The following MYH9 variants were observed in gnomAD, a reference collection of about 807,000 sequenced individuals.
The protein encoded by MYH9 is myosin-9.
A neutral mutation model predicts 241.9 loss-of-function variants in MYH9; 29 were observed. The ratio of observed to expected loss-of-function variants is 0.12; its 90% CI spans 0.09 to 0.16. MYH9 has a LOEUF of 0.16. Among genes scored for constraint, MYH9 ranks in the 10% least tolerant of loss-of-function variants. The pLI is 1.00. For missense variants in MYH9, 1,803 were observed against 2,595.5 expected (o/e 0.69, Z 6.63); for synonymous variants, 1,047 against 1,062.6 (o/e 0.99, Z 0.29).
At chr22:36,291,728 G>C (rs1365371650) in intron 31 of MYH9, among the ~76,000 whole-genome samples, 6 of 131,676 alleles carry the variant, frequency 4.6e-5, no homozygotes, top group Non-Finnish European at 9.9e-5. Flanking sequence ...CAGTTCATTA[G>C]AGAAAATCTG....
intron 1 of MYH9, chr22:36,364,921 T>C (rs1339173515): frequency 6.6e-6 from 1 of 152,144 alleles, no homozygotes; most frequent in Non-Finnish European, 1.5e-5. Context: ...ACCTGTAAAA[T>C]GGAGCTGATC....
chr22:36,295,293 C>T lies in MYH9; in HGVS notation c.3485+212G>A, dbSNP rs2146338429. On this transcript the variant is annotated intron_variant, in intron 26 of 40. Coordinates refer to ENST00000216181, the MANE Select transcript of MYH9 (RefSeq NM_002473.6). This position sits in a 1 kb window ranked among gnomAD's most constrained non-coding sequence, Gnocchi z 4.1. The stretch of plus-strand genomic sequence containing the variant: ...CTTTCAGCTTTAAAGCCCAGCCTTG[C>T]CTCACCCCCAACTTTGAGCCAGGTC... Among the ~76,000 whole-genome samples, 1 of 152,312 alleles carries T rather than the reference C, an allele frequency of 6.6e-6. No individual in the cohort carries two copies. The highest frequency in any genetic ancestry group is 1.9e-4 in the East Asian group (1 of 5,178).
At chr22:36,367,043 TA>T (rs2018021439) in intron 1 of MYH9, among the ~76,000 whole-genome samples, 1 of 152,172 alleles carries the variant, frequency 6.6e-6, no homozygotes, top group Admixed American at 6.5e-5. Flanking sequence ...CATACCACGT[TA>T]GGGGGCTCGC....
intron 13 of MYH9, 66 bp from the exon 14 acceptor site, chr22:36,312,288 G>A: frequency 1.3e-6 from 2 of 1,558,172 alleles, no homozygotes; most frequent in South Asian, 2.2e-5. Flanking sequence ...CCTTCAAGAA[G>A]CCAAAGCCCG....
At position 36,295,458 on chromosome 22, in the gene MYH9, C is replaced by CAGGG. The variant is rs1470397332; in HGVS notation, c.3485+46_3485+47insCCCT. 6.5e-7 allele frequency: 1 copy of CAGGG among 1,545,956 alleles called. No individual in the cohort carries two copies. Among genetic ancestry groups the CAGGG allele is most frequent in the East Asian group, 2.3e-5 (1 of 44,408 alleles). The stretch of plus-strand genomic sequence containing the variant: ...GGGTCCATGTCTCCAAGCCAAGGCC[C>CAGGG]CCCTGGCTGCCCTCCCCATCCCGAG... On this transcript the variant is annotated intron_variant, in intron 26 of 40. Transcript: ENST00000216181. This position sits in a 1 kb window ranked among gnomAD's most constrained non-coding sequence, Gnocchi z 4.1.
intron 1 of MYH9, among the ~76,000 whole-genome samples, chr22:36,361,555 T>G (rs55955949): frequency 0.075 from 11,380 of 152,104 alleles, 1,428 homozygotes; most frequent in African/African-American, 0.26. Flanking sequence ...ACTTAAAAAT[T>G]AAATGAACAA....
chr22:36,381,870 G>A (rs2018261582), intron 1 of MYH9, among the ~76,000 whole-genome samples: 1 of 152,210 alleles, frequency 6.6e-6, no homozygotes, highest in South Asian at 2.1e-4. Context: ...ATGCCGCAAT[G>A]AAGATTCTCA....
chr22:36,373,855 C>T (rs948196041), intron 1 of MYH9, among the ~76,000 whole-genome samples: 2 of 151,990 alleles, frequency 1.3e-5, no homozygotes, highest in East Asian at 1.9e-4. Flanking sequence ...TGAATTCTGG[C>T]GACCAATGAA....
Position 36,320,212 on chromosome 22 carries a change from C to T in MYH9, c.1012+8G>A, listed in dbSNP as rs1475321100. 1 of 1,614,140 alleles carries T rather than the reference C, an allele frequency of 6.2e-7. No individual in the cohort carries two copies. ...CCACACTCGACCATAGGAGGGCCAG[C>T]CCTGTACCCATTTGCTCCTCTTCTG... On this transcript the variant is annotated splice_region_variant and intron_variant, in intron 9 of 40. Coordinates refer to ENST00000216181, the MANE Select transcript of MYH9 (RefSeq NM_002473.6). The surrounding 1 kb of genome is among the most constrained non-coding windows in gnomAD (Gnocchi z 4.8).
intron 12 of MYH9, among the ~76,000 whole-genome samples, chr22:36,314,640 G>GT (rs371769551): frequency 0.025 from 3,763 of 149,780 alleles, 71 homozygotes; most frequent in South Asian, 0.071. Context: ...GTAATACATT[G>GT]TTTTTTTTTT....
At chr22:36,384,611 AATATATATATATATATATATATATATAT>A (rs753952544) in intron 1 of MYH9, among the ~76,000 whole-genome samples, 2 of 41,444 alleles carry the variant, frequency 4.8e-5, no homozygotes, top group Non-Finnish European at 7.7e-5. Context: ...AAAAAAAAAA[AATATATATATATATATATATATATATAT>A]ATATATATAT....
chr22:36,372,332 T>G (rs893461342), intron 1 of MYH9, among the ~76,000 whole-genome samples: 2 of 151,768 alleles, frequency 1.3e-5, no homozygotes, highest in Non-Finnish European at 2.9e-5. Context: ...TACCAAAACA[T>G]TTTAAAATCA....
intron 3 of MYH9, among the ~76,000 whole-genome samples, chr22:36,337,927 C>T (rs2146380918): frequency 6.6e-6 from 1 of 152,294 alleles, no homozygotes; most frequent in Admixed American, 6.5e-5. Context: ...CCTCCCTGCT[C>T]CAAGAGCAAG....
intron 1 of MYH9, among the ~76,000 whole-genome samples, chr22:36,381,502 C>T (rs940975101): frequency 4.1e-5 from 6 of 145,886 alleles, no homozygotes; most frequent in African/African-American, 1.0e-4. Flanking sequence ...GGCAACAGAG[C>T]GAGACTCCAT....
At chr22:36,371,089 T>C (rs1603484507) in intron 1 of MYH9, among the ~76,000 whole-genome samples, 1 of 152,338 alleles carries the variant, frequency 6.6e-6, no homozygotes, top group East Asian at 1.9e-4. Flanking sequence ...AGAATGTCCC[T>C]GGATCAGAGA....
At chr22:36,292,403 G>A (rs1039523191) in intron 30 of MYH9, among the ~76,000 whole-genome samples, 169 bp from the exon 31 acceptor site, 3 of 152,194 alleles carry the variant, frequency 2.0e-5, no homozygotes, top group Non-Finnish European at 4.4e-5. Context: ...ACAGGGGCGA[G>A]ACAAATGGAG....
chr22:36,288,664 AGAAGCCTGCGT>A lies in MYH9; in HGVS notation c.4770+52_4770+62del. ...CACAATCCAGGTGGAAGGAGAGAAC[AGAAGCCTGCGT>A]GAAGCCAAGGCAGCCTTGGGCACCC... On this transcript the variant is annotated intron_variant, in intron 33 of 40. Coordinates refer to ENST00000216181, the MANE Select transcript of MYH9 (RefSeq NM_002473.6). The surrounding 1 kb of genome is among the most constrained non-coding windows in gnomAD (Gnocchi z 4.8). 1.3e-6 allele frequency: 2 copies of A among 1,576,960 alleles called. No individual in the cohort carries two copies. The highest frequency in any genetic ancestry group is 1.7e-6 in the Non-Finnish European group (2 of 1,160,154).
intron 18 of MYH9, among the ~76,000 whole-genome samples, 184 bp from the exon 19 acceptor site, chr22:36,304,339 C>T (rs962466364): frequency 2.0e-5 from 3 of 152,222 alleles, no homozygotes; most frequent in Non-Finnish European, 4.4e-5. Context: ...CGTCACCGAA[C>T]GCAGGCTGTG....
chr22:36,366,954 GA>G (rs1332737340), intron 1 of MYH9, among the ~76,000 whole-genome samples: 7 of 152,142 alleles, frequency 4.6e-5, no homozygotes, highest in Admixed American at 3.3e-4. Flanking sequence ...TCTACAAATG[GA>G]AAACCCAAAG....
Sources: allele counts gnomAD v4.1 joint callset (sites outside exome capture counted in the v4.1 genomes callset), GRCh38; gene constraint gnomAD v4.1.1; non-coding constraint Gnocchi (gnomAD v3.1); transcripts MANE v1.5; gene names NCBI Gene and HGNC (gene_info 2026-07-23, HGNC 2026-07-21).